ARHGEF26: variants seen among roughly 807,000 people sequenced by gnomAD.
ARHGEF26 encodes the protein Rho guanine nucleotide exchange factor 26.
ARHGEF26 carries 59 observed loss-of-function variants against 89.4 expected under a neutral mutation model. The observed-to-expected ratio is 0.66, with a 90% CI of 0.54 to 0.82. The LOEUF is 0.82. Among genes scored for constraint, ARHGEF26 ranks in the 40% least tolerant of loss-of-function variants. ARHGEF26 has a pLI of 0.00. For synonymous variants in ARHGEF26, 500 were observed against 428.4 expected, an observed-to-expected ratio of 1.17 and a Z score of -2.06; for missense variants, 1,234 against 1,085.6, an observed-to-expected ratio of 1.14 and a Z score of -1.92.
chr3:154,141,150 AG>A (rs1186123761), intron 4 of ARHGEF26, among the ~76,000 whole-genome samples: 1 of 151,330 alleles, frequency 6.6e-6, no homozygotes, highest in African/African-American at 2.4e-5. Context: ...TATTTTTAGT[AG>A]AGACGGGGTT....
chr3:154,129,557 G>T lies in ARHGEF26; in HGVS notation c.1124-17G>T. ...ATTGAGAACAATTAGTGACACATAG[G>T]CCTTGTTTTCTTGCAGAAAATGCTG... On this transcript the variant is annotated splice_polypyrimidine_tract_variant and intron_variant, in intron 3 of 14. Coordinates refer to ENST00000465093, the MANE Select transcript of ARHGEF26 (RefSeq NM_015595.4). 1 of 1,608,680 alleles carries T rather than the reference G, an allele frequency of 6.2e-7. No homozygotes were observed. Among genetic ancestry groups the T allele is most frequent in the Non-Finnish European group, 8.5e-7 (1 of 1,177,248 alleles).
intron 6 of ARHGEF26, among the ~76,000 whole-genome samples, chr3:154,186,886 CTTTTTTTTTTTTT>C (rs201150057): frequency 2.4e-5 from 2 of 82,040 alleles, no homozygotes; most frequent in Non-Finnish European, 4.7e-5. Context: ...TTATTTCAGA[CTTTTTTTTTTTTT>C]TTTTTTTTTT....
At chr3:154,199,295 C>T (rs938194709) in intron 9 of ARHGEF26, among the ~76,000 whole-genome samples, 1 of 151,812 alleles carries the variant, frequency 6.6e-6, no homozygotes, top group African/African-American at 2.4e-5. Context: ...TTTTAAATCC[C>T]AAAAATGAGA....
At chr3:154,253,395 G>A (rs1397424365) in intron 13 of ARHGEF26, among the ~76,000 whole-genome samples, 1 of 152,206 alleles carries the variant, frequency 6.6e-6, no homozygotes, top group East Asian at 1.9e-4. Flanking sequence ...TTGTGTAAAC[G>A]TGTCAAATCA....
At chr3:154,126,128 C>G (rs770791268) in intron 3 of ARHGEF26, among the ~76,000 whole-genome samples, 1 of 152,266 alleles carries the variant, frequency 6.6e-6, no homozygotes, top group African/African-American at 2.4e-5. Context: ...GAGACTCAGC[C>G]TTTACCCTCA....
chr3:154,221,064 C>T (rs981434494), intron 10 of ARHGEF26, among the ~76,000 whole-genome samples: 3 of 151,856 alleles, frequency 2.0e-5, no homozygotes, highest in African/African-American at 7.3e-5. Context: ...TCCCTAGCAC[C>T]TTCTGAGAGC....
At chr3:154,133,391 G>A (rs1425435326) in intron 4 of ARHGEF26, among the ~76,000 whole-genome samples, 1 of 152,016 alleles carries the variant, frequency 6.6e-6, no homozygotes, top group Non-Finnish European at 1.5e-5. Context: ...AATAATAAAT[G>A]ATAGTCATTT....
At chr3:154,151,807 C>T (rs928679633) in intron 5 of ARHGEF26, among the ~76,000 whole-genome samples, 4 of 152,146 alleles carry the variant, frequency 2.6e-5, no homozygotes, top group Non-Finnish European at 5.9e-5. Context: ...TGCTCCCACC[C>T]AGCCACAGTA....
chr3:154,194,609 A>G (rs771182849), intron 8 of ARHGEF26, 35 bp from the exon 9 acceptor site: 3 of 1,456,946 alleles, frequency 2.1e-6, no homozygotes, highest in Non-Finnish European at 2.8e-6. Flanking sequence ...AATAAAATAG[A>G]TCAATAAATT....
rs1055670671 is a variant in ARHGEF26 at position 154,129,568 on chromosome 3, T to C, written c.1124-6T>C. 2 of 1,610,362 alleles carry C rather than the reference T, an allele frequency of 1.2e-6. No homozygotes were observed. Among genetic ancestry groups the C allele is most frequent in the South Asian group, 1.1e-5 (1 of 90,142 alleles). ...TTAGTGACACATAGGCCTTGTTTTC[T>C]TGCAGAAAATGCTGTCCTGTATCAA... On this transcript the variant is annotated splice_polypyrimidine_tract_variant and splice_region_variant and intron_variant, in intron 3 of 14. Transcript: ENST00000465093.
chr3:154,155,791 C>T (rs1169509934), intron 6 of ARHGEF26, among the ~76,000 whole-genome samples: 1 of 151,780 alleles, frequency 6.6e-6, no homozygotes, highest in Non-Finnish European at 1.5e-5. Flanking sequence ...ATGTAAAGAT[C>T]ATCACTCTAA....
chr3:154,159,438 T>C (rs1415135084), intron 6 of ARHGEF26, among the ~76,000 whole-genome samples: 1 of 152,106 alleles, frequency 6.6e-6, no homozygotes, highest in Non-Finnish European at 1.5e-5. Context: ...TCCCAACATA[T>C]AATGAGCAGT....
At chr3:154,161,100 T>TTGTGTG (rs761296397) in intron 6 of ARHGEF26, among the ~76,000 whole-genome samples, 9 of 17,606 alleles carry the variant, frequency 5.1e-4, no homozygotes, top group Non-Finnish European at 1.2e-3. Context: ...GTAGCCAGGT[T>TTGTGTG]TGTGTGTGTG....
At chr3:154,239,404 A>G (rs1191781155) in intron 11 of ARHGEF26, among the ~76,000 whole-genome samples, 1 of 151,324 alleles carries the variant, frequency 6.6e-6, no homozygotes, top group Admixed American at 6.6e-5. Context: ...AGAGGATCGG[A>G]AACGATCCAG....
intron 3 of ARHGEF26, among the ~76,000 whole-genome samples, chr3:154,127,973 T>G (rs1406248306): frequency 6.6e-6 from 1 of 152,200 alleles, no homozygotes; most frequent in Non-Finnish European, 1.5e-5. Flanking sequence ...CTTTTGTGTA[T>G]GCTTTTCCTG....
Position 154,202,711 on chromosome 3 carries a change from C to G in ARHGEF26, c.1845+7993C>G, listed in dbSNP as rs533533196. On this transcript the variant is annotated intron_variant, in intron 9 of 14. Coordinates refer to ENST00000465093, the MANE Select transcript of ARHGEF26 (RefSeq NM_015595.4). ...GGTTTGTAGTTCTCCTTGAAGAGGT[C>G]CTTCATGTCCCTTGTAAGTTGGATT... is the stretch of plus-strand genomic sequence containing the variant. 7.3e-5 allele frequency among the ~76,000 whole-genome samples: 11 copies of G among 150,546 alleles called. No homozygotes were observed. In the East Asian group the frequency reaches 2.2e-3, roughly 30 times the overall value.
intron 2 of ARHGEF26, among the ~76,000 whole-genome samples, chr3:154,124,144 C>G: frequency 6.6e-6 from 1 of 152,084 alleles, no homozygotes; most frequent in East Asian, 1.9e-4. Flanking sequence ...AATGAGCTGA[C>G]CTGCTAGTTA....
chr3:154,249,419 C>T (rs1162502102), intron 12 of ARHGEF26, among the ~76,000 whole-genome samples: 2 of 152,194 alleles, frequency 1.3e-5, no homozygotes, highest in African/African-American at 4.8e-5. Context: ...GTAGAAACAT[C>T]ATTTCATGCC....
intron 6 of ARHGEF26, among the ~76,000 whole-genome samples, chr3:154,158,673 G>A (rs1711507939): frequency 6.6e-6 from 1 of 152,064 alleles, no homozygotes; most frequent in South Asian, 2.1e-4. Context: ...TATCTTAAAA[G>A]CCTGATCATC....
Sources: allele counts gnomAD v4.1 joint callset (sites outside exome capture counted in the v4.1 genomes callset), GRCh38; gene constraint gnomAD v4.1.1; transcripts MANE v1.5; gene names NCBI Gene and HGNC (gene_info 2026-07-23, HGNC 2026-07-21).